Variants in CA10 observed in about 807,000 individuals in gnomAD.
CA10 encodes carbonic anhydrase-related protein 10.
A neutral mutation model predicts 44.2 loss-of-function variants in CA10; 14 were observed. The ratio of observed to expected loss-of-function variants is 0.32; its 90% CI spans 0.21 to 0.50. CA10 has a LOEUF of 0.50. Ranked by LOEUF, CA10 falls within the 20% of genes least tolerant of loss-of-function variation. The pLI is 0.99. For missense variants in CA10, 350 were observed against 409.7 expected (o/e 0.85, Z 1.26); for synonymous variants, 159 against 141.6 (o/e 1.12, Z -0.87).
intron 3 of CA10, among the ~76,000 whole-genome samples, chr17:51,848,240 G>A (rs1185027774): frequency 6.6e-6 from 1 of 152,172 alleles, no homozygotes; most frequent in African/African-American, 2.4e-5. Context: ...AGTCCATTCA[G>A]ATTCTGTCTT....
chr17:51,807,786 T>TCG (rs1290113255), intron 3 of CA10, among the ~76,000 whole-genome samples: 3 of 152,206 alleles, frequency 2.0e-5, no homozygotes, highest in Non-Finnish European at 2.9e-5. Context: ...CTACATGATT[T>TCG]CACTTATGTG....
At chr17:51,734,427 ATGATTCATTGTG>A (rs1208031180) in intron 4 of CA10, among the ~76,000 whole-genome samples, 1 of 152,194 alleles carries the variant, frequency 6.6e-6, no homozygotes, top group Non-Finnish European at 1.5e-5. Context: ...GGGTGAGCAT[ATGATTCATTGTG>A]CAAACTGGAG....
chr17:51,844,271 AT>A (rs1232625349), intron 3 of CA10, among the ~76,000 whole-genome samples: 1 of 152,204 alleles, frequency 6.6e-6, no homozygotes, highest in East Asian at 1.9e-4. Flanking sequence ...AATTTGTAAA[AT>A]AACCCTTTTT....
chr17:51,915,163 G>T (rs1216501430), intron 3 of CA10, among the ~76,000 whole-genome samples: 15 of 152,118 alleles, frequency 9.9e-5, no homozygotes, highest in Admixed American at 9.8e-4. Context: ...AGATTGAAAG[G>T]GGTCATCTTT....
chr17:52,081,492 T>C (rs960278150), intron 1 of CA10, among the ~76,000 whole-genome samples: 3 of 151,888 alleles, frequency 2.0e-5, no homozygotes, highest in African/African-American at 7.3e-5. Context: ...CTGGTGAAAA[T>C]AGAACATCAT....
chr17:52,039,653 ATTTC>A (rs1437727433), intron 2 of CA10, among the ~76,000 whole-genome samples: 5 of 152,232 alleles, frequency 3.3e-5, no homozygotes, highest in Non-Finnish European at 5.9e-5. Flanking sequence ...ATAGAAATCA[ATTTC>A]TTTGTCATGG....
intron 2 of CA10, among the ~76,000 whole-genome samples, chr17:51,942,322 G>A (rs1983109958): frequency 6.6e-6 from 1 of 151,984 alleles, no homozygotes; most frequent in African/African-American, 2.4e-5. Flanking sequence ...CACCAAAGAT[G>A]GAACGAAACC....
chr17:51,971,995 G>C (rs1984296434), intron 2 of CA10, among the ~76,000 whole-genome samples: 1 of 151,874 alleles, frequency 6.6e-6, no homozygotes, highest in African/African-American at 2.4e-5. Flanking sequence ...ACTAGAGTGG[G>C]ATTAAAAAAT....
intron 4 of CA10, among the ~76,000 whole-genome samples, chr17:51,746,137 C>T (rs951298824): frequency 1.3e-5 from 2 of 152,152 alleles, no homozygotes; most frequent in East Asian, 1.9e-4. Context: ...CAGCTCAACC[C>T]TATTGTTTAT....
chr17:51,638,545 G>T (rs1231872428), intron 6 of CA10, among the ~76,000 whole-genome samples: 1 of 152,222 alleles, frequency 6.6e-6, no homozygotes, highest in Non-Finnish European at 1.5e-5. Context: ...CACACGACGT[G>T]AGGGACCTTG....
intron 3 of CA10, among the ~76,000 whole-genome samples, chr17:51,877,290 T>G (rs1474765118): frequency 6.6e-6 from 1 of 152,252 alleles, no homozygotes; most frequent in African/African-American, 2.4e-5. Flanking sequence ...AATAAAACTT[T>G]GTTTAAATCC....
At chr17:51,810,294 G>A (rs553516061) in intron 3 of CA10, among the ~76,000 whole-genome samples, 137 of 152,178 alleles carry the variant, frequency 9.0e-4, no homozygotes, top group Non-Finnish European at 1.6e-3. Context: ...CTCAAACAAA[G>A]CTTGAAAAAG....
chr17:51,931,202 C>T, intron 2 of CA10, 70 bp from the exon 3 acceptor site: 1 of 1,478,550 alleles, frequency 6.8e-7, no homozygotes, highest in Non-Finnish European at 9.4e-7. Context: ...ATAAACAGAG[C>T]TATGTACAAA....
chr17:51,936,136 G>A (rs1982855759), intron 2 of CA10, among the ~76,000 whole-genome samples: 1 of 152,130 alleles, frequency 6.6e-6, no homozygotes, highest in Admixed American at 6.5e-5. Flanking sequence ...GATGTGCCAG[G>A]CATTAGGGTT....
At chr17:51,677,451 AG>A (rs1567799647) in intron 4 of CA10, among the ~76,000 whole-genome samples, 2 of 152,122 alleles carry the variant, frequency 1.3e-5, no homozygotes, top group African/African-American at 2.4e-5. Flanking sequence ...AAGTTTCCTG[AG>A]GCCCCCCCAG....
At chr17:51,893,065 G>A (rs1438327923) in intron 3 of CA10, among the ~76,000 whole-genome samples, 1 of 151,794 alleles carries the variant, frequency 6.6e-6, no homozygotes, top group East Asian at 1.9e-4. Context: ...TATTATTCTT[G>A]TCATCATCAG....
chr17:51,702,422 C>A (rs1401505677), intron 4 of CA10, among the ~76,000 whole-genome samples: 1 of 152,152 alleles, frequency 6.6e-6, no homozygotes, highest in Non-Finnish European at 1.5e-5. Context: ...CACAAGATAG[C>A]CAATAGAAGG....
chr17:52,065,448 A>G (rs1164715570), intron 2 of CA10, among the ~76,000 whole-genome samples: 1 of 152,152 alleles, frequency 6.6e-6, no homozygotes, highest in Non-Finnish European at 1.5e-5. Context: ...TTGTTTGGCA[A>G]ACATTGAGCC....
chr17:51,781,709 C>T (rs1442793997), intron 3 of CA10, among the ~76,000 whole-genome samples: 1 of 152,188 alleles, frequency 6.6e-6, no homozygotes, highest in Non-Finnish European at 1.5e-5. Context: ...TGTGACACCT[C>T]CCTTTTCTTT....
Sources: gnomAD v4.1 joint callset for allele counts (sites outside exome capture counted in the v4.1 genomes callset) on GRCh38, gnomAD v4.1.1 for gene constraint, MANE v1.5 for transcripts, NCBI Gene and HGNC (gene_info 2026-07-23, HGNC 2026-07-21) for gene names.